Variants in TMEM132D observed in about 807,000 individuals in gnomAD.
The protein encoded by TMEM132D is mature OL transmembrane protein.
Under a neutral mutation model 62.3 loss-of-function variants are expected in TMEM132D, and 21 were observed. The observed-to-expected ratio is 0.34, with a 90% CI of 0.24 to 0.49. TMEM132D has a LOEUF of 0.49. Among genes scored for constraint, TMEM132D ranks in the 20% least tolerant of loss-of-function variants. The pLI, the probability that TMEM132D is intolerant of heterozygous loss-of-function variation, is 0.99. For missense variants in TMEM132D, 1,346 were observed against 1,402.8 expected (o/e 0.96, Z 0.65); for synonymous variants, 621 against 575.6 (o/e 1.08, Z -1.13).
intron 3 of TMEM132D, among the ~76,000 whole-genome samples, chr12:129,513,835 TA>T (rs1875579812): frequency 7.1e-6 from 1 of 141,796 alleles, no homozygotes; most frequent in Non-Finnish European, 1.5e-5. Context: ...TTTATTTATT[TA>T]TTTATTTATT....
chr12:129,105,987 A>G (rs897117999), intron 5 of TMEM132D, among the ~76,000 whole-genome samples: 1 of 151,846 alleles, frequency 6.6e-6, no homozygotes, highest in Non-Finnish European at 1.5e-5. Context: ...TTGTGGCACT[A>G]TTCACGATAG....
intron 1 of TMEM132D, among the ~76,000 whole-genome samples, chr12:129,741,555 T>C (rs1869603866): frequency 6.6e-6 from 1 of 152,136 alleles, no homozygotes; most frequent in Non-Finnish European, 1.5e-5. Flanking sequence ...AAGTCAGTGC[T>C]CAACCACAGC....
intron 4 of TMEM132D, among the ~76,000 whole-genome samples, chr12:129,235,324 T>C (rs1879750146): frequency 6.6e-6 from 1 of 151,940 alleles, no homozygotes; most frequent in South Asian, 2.1e-4. Flanking sequence ...ATAATCCAGA[T>C]TTAGAATATT....
At position 129,078,552 on chromosome 12, in the gene TMEM132D, A is replaced by T. The variant is rs1468422635; in HGVS notation, c.2097T>A (p.Leu699=). The change falls in exon 8 of 9, where the codon CTT becomes CTA. Residue 699 remains leucine, a synonymous_variant. Coordinates refer to ENST00000422113, the MANE Select transcript of TMEM132D (RefSeq NM_133448.3). ...AIFATAVAQE[L]LQRPKQEAAI... ...TCCATACCTGTTTTGGCCTCTGCAG[A>T]AGTTCCTGAGCCACTGCAGTGGCAA... is the stretch of plus-strand genomic sequence containing the variant. The T allele has an allele frequency of 6.2e-7, 1 of 1,613,808 alleles. No individual in the cohort carries two copies. Among genetic ancestry groups the T allele is most frequent in the South Asian group, 1.1e-5 (1 of 91,062 alleles).
chr12:129,538,256 T>C (rs1252625794), intron 2 of TMEM132D, among the ~76,000 whole-genome samples: 1 of 152,236 alleles, frequency 6.6e-6, no homozygotes, highest in Non-Finnish European at 1.5e-5. Flanking sequence ...AAGCTATCCA[T>C]AATTTAGTCA....
intron 3 of TMEM132D, among the ~76,000 whole-genome samples, chr12:129,351,538 G>A (rs376103274): frequency 6.6e-6 from 1 of 152,138 alleles, no homozygotes; most frequent in Non-Finnish European, 1.5e-5. Context: ...GATCGAAGCC[G>A]AATGTTGTGT....
chr12:129,131,344 C>T (rs972822211), intron 5 of TMEM132D, among the ~76,000 whole-genome samples: 4 of 152,184 alleles, frequency 2.6e-5, no homozygotes, highest in African/African-American at 4.8e-5. Flanking sequence ...TAGTAGCTCA[C>T]GCTTGTAATC....
intron 3 of TMEM132D, among the ~76,000 whole-genome samples, chr12:129,361,516 G>T (rs1169956651): frequency 6.9e-6 from 1 of 144,816 alleles, no homozygotes; most frequent in African/African-American, 2.8e-5. Context: ...TAAATACAGG[G>T]TTTTCTTGTA....
chr12:129,510,653 T>C (rs1005550936), intron 3 of TMEM132D, among the ~76,000 whole-genome samples: 2 of 152,222 alleles, frequency 1.3e-5, no homozygotes, highest in Non-Finnish European at 2.9e-5. Context: ...TGGCAAGAGA[T>C]AGGGGTCTAG....
intron 5 of TMEM132D, among the ~76,000 whole-genome samples, chr12:129,139,165 A>G (rs1456482515): frequency 6.6e-6 from 1 of 152,174 alleles, no homozygotes; most frequent in Admixed American, 6.5e-5. Flanking sequence ...GTCTTAAAGG[A>G]GGAAGTTTGG....
rs1874482030 is a variant in TMEM132D at position 129,877,958 on chromosome 12, CA to C, written c.79+25302del. Among the ~76,000 whole-genome samples, 5 of 152,224 alleles carry C rather than the reference CA, an allele frequency of 3.3e-5. No individual in the cohort carries two copies. The South Asian group carries it at 1.0e-3, about 31-fold the overall frequency. The stretch of plus-strand genomic sequence containing the variant: ...TGAGAACTGAGACCATCTGCATCCA[CA>C]AGGCGAGAACTAAGACCAGCTATTT... On this transcript the variant is annotated intron_variant, in intron 1 of 8. Transcript: ENST00000422113.
intron 3 of TMEM132D, among the ~76,000 whole-genome samples, chr12:129,403,169 C>G (rs1214337490): frequency 6.6e-6 from 1 of 150,950 alleles, no homozygotes; most frequent in East Asian, 1.9e-4. Context: ...AACTCAGTGC[C>G]CAGAGGAAAG....
chr12:129,706,281 T>C (rs143320619), intron 1 of TMEM132D, among the ~76,000 whole-genome samples: 1 of 151,976 alleles, frequency 6.6e-6, no homozygotes, highest in East Asian at 1.9e-4. Flanking sequence ...TTTTAAAAAT[T>C]AATGAATAAA....
chr12:129,478,938 A>G (rs944817986), intron 3 of TMEM132D, among the ~76,000 whole-genome samples: 3 of 151,794 alleles, frequency 2.0e-5, no homozygotes, highest in African/African-American at 7.3e-5. Context: ...AATTACAAAA[A>G]AGACCTACAC....
chr12:129,320,806 A>T (rs991308846), intron 4 of TMEM132D, among the ~76,000 whole-genome samples: 3 of 152,228 alleles, frequency 2.0e-5, no homozygotes, highest in African/African-American at 7.2e-5. Flanking sequence ...GAAGAAAGGG[A>T]TAGATTTGAA....
intron 2 of TMEM132D, among the ~76,000 whole-genome samples, chr12:129,538,825 C>A (rs1301445838): frequency 6.6e-6 from 1 of 151,572 alleles, no homozygotes. Flanking sequence ...ACTAGTGACC[C>A]CTGGCAATAG....
At chr12:129,723,520 A>C (rs964773195) in intron 1 of TMEM132D, among the ~76,000 whole-genome samples, 1 of 152,150 alleles carries the variant, frequency 6.6e-6, no homozygotes, top group Non-Finnish European at 1.5e-5. Flanking sequence ...AAGAGGTCGG[A>C]TATTTCTCTC....
At chr12:129,363,725 T>C (rs1210103570) in intron 3 of TMEM132D, among the ~76,000 whole-genome samples, 2 of 152,202 alleles carry the variant, frequency 1.3e-5, no homozygotes, top group Non-Finnish European at 1.5e-5. Context: ...AGGTCTGAGG[T>C]TGAAGAATTA....
chr12:129,091,861 C>T (rs974284688), intron 5 of TMEM132D, among the ~76,000 whole-genome samples: 1 of 152,230 alleles, frequency 6.6e-6, no homozygotes, highest in African/African-American at 2.4e-5. Flanking sequence ...GAACTTCTTC[C>T]AGCATTCTGA....
Sources: allele counts gnomAD v4.1 joint callset (sites outside exome capture counted in the v4.1 genomes callset), GRCh38; gene constraint gnomAD v4.1.1; transcripts MANE v1.5; gene names NCBI Gene and HGNC (gene_info 2026-07-23, HGNC 2026-07-21).